The following SLFN12 variants were observed in gnomAD, a reference collection of about 807,000 sequenced individuals.
The protein encoded by SLFN12 is ribonuclease SLFN12.
SLFN12 carries 25 observed loss-of-function variants against 29.1 expected under a neutral mutation model. The observed-to-expected ratio is 0.86, with a 90% CI of 0.63 to 1.20. The LOEUF is 1.20. Among genes scored for constraint, SLFN12 ranks in the 50% most tolerant of loss-of-function variants. The pLI is 0.00. For synonymous variants in SLFN12, 257 were observed against 238.7 expected, an observed-to-expected ratio of 1.08 and a Z score of -0.71; for missense variants, 660 against 666.2, an observed-to-expected ratio of 0.99 and a Z score of 0.10.
chr17:35,413,749 CAAAA>C (rs11362952), intron 3 of SLFN12, among the ~76,000 whole-genome samples: 2 of 78,410 alleles, frequency 2.6e-5, no homozygotes, highest in Non-Finnish European at 3.0e-5. Context: ...AACCATGTCT[CAAAA>C]AAAAAAAAAA....
chr17:35,431,243 A>G (rs893479870), intron 1 of SLFN12, among the ~76,000 whole-genome samples: 6 of 152,184 alleles, frequency 3.9e-5, no homozygotes, highest in Non-Finnish European at 2.9e-5. Context: ...AGCAATTTAT[A>G]AGTCAGCGGT....
At position 35,420,377 on chromosome 17, in the gene SLFN12, A is replaced by C; in HGVS notation, c.1044T>G (p.Phe348Leu). ...IQFMVEAEPKFSSSYEEVISQ... is the reference protein window; with the variant it reads ...IQFMVEAEPKLSSSYEEVISQ... ...AGATCACCTCTTCATATGAACTGGAAAATTCTTAAAAACAAAAATATCACA... is the reference window on the plus strand; with the variant it reads ...AGATCACCTCTTCATATGAACTGGACAATTCTTAAAAACAAAAATATCACA... The change falls in exon 3 of 4, where the codon TTT (phenylalanine) becomes TTG (leucine). Residue 348 changes from phenylalanine to leucine, a missense_variant. Transcript: ENST00000304905. 5.6e-6 allele frequency: 9 copies of C among 1,607,842 alleles called. No homozygotes were observed. The highest frequency in any genetic ancestry group is 7.7e-6 in the Non-Finnish European group (9 of 1,174,818).
intron 1 of SLFN12, among the ~76,000 whole-genome samples, chr17:35,426,505 C>T (rs1342081130): frequency 6.6e-6 from 1 of 152,052 alleles, no homozygotes; most frequent in Non-Finnish European, 1.5e-5. Flanking sequence ...ACTTCATTTT[C>T]TGCATGTGGA....
At chr17:35,425,368 C>CAAGAGCTCTA (rs1911942939) in intron 1 of SLFN12, among the ~76,000 whole-genome samples, 1 of 152,044 alleles carries the variant, frequency 6.6e-6, no homozygotes, top group Admixed American at 6.6e-5. Context: ...CAATAGAGCT[C>CAAGAGCTCTA]TTGAACTTAT....
chr17:35,431,470 C>A (rs749526821), intron 1 of SLFN12, among the ~76,000 whole-genome samples: 1 of 152,088 alleles, frequency 6.6e-6, no homozygotes, highest in East Asian at 1.9e-4. Flanking sequence ...CTACTGCAAC[C>A]GGAAGAGAAA....
Position 35,423,061 on chromosome 17 carries a change from AT to A in SLFN12, c.-34del, listed in dbSNP as rs1341560696. The A allele has an allele frequency of 6.4e-7, 1 of 1,564,588 alleles. No individual in the cohort carries two copies. Among genetic ancestry groups the A allele is most frequent in the Admixed American group, 1.9e-5 (1 of 52,964 alleles). On this transcript the variant is annotated 5_prime_UTR_variant, in exon 2 of 4. Transcript: ENST00000304905. ...GCAGCTATGCAGTGTCCAAGCAGAA[AT>A]TCTTTTCTGTAAAATAGACAGAGCC...
At position 35,411,741 on chromosome 17, in the gene SLFN12, A is replaced by G; in HGVS notation, c.1334T>C (p.Leu445Pro). The change falls in exon 4 of 4, where the codon CTT becomes CCT. Residue 445 changes from leucine to proline, a missense_variant. Leu to Pro is a moderately conservative substitution (Grantham distance 98, BLOSUM62 -3). Transcript: ENST00000304905. Reference protein sequence around the residue: ...QENHKVLCDALLISQDSPPVL... With the variant: ...QENHKVLCDAPLISQDSPPVL... ...TGGAGGACTGTCCTGGGAAATCAGA[A>G]GAGCATCACAGAGGACTTTGTGGTT... 1 of 1,614,040 alleles carries G rather than the reference A, an allele frequency of 6.2e-7. No individual in the cohort carries two copies. Among genetic ancestry groups the G allele is most frequent in the Non-Finnish European group, 8.5e-7 (1 of 1,179,990 alleles).
At chr17:35,418,832 T>C (rs138910550) in intron 3 of SLFN12, among the ~76,000 whole-genome samples, 251 of 151,966 alleles carry the variant, frequency 1.7e-3, no homozygotes, top group African/African-American at 5.7e-3. Flanking sequence ...TTACTGTCTA[T>C]TGAGATGGAT....
intron 3 of SLFN12, among the ~76,000 whole-genome samples, chr17:35,412,769 A>G (rs1911098966): frequency 6.6e-6 from 1 of 152,070 alleles, no homozygotes; most frequent in Non-Finnish European, 1.5e-5. Context: ...ATCAGAGAAA[A>G]AGACTGACAA....
chr17:35,424,317 CTT>C (rs1197981307), intron 1 of SLFN12, among the ~76,000 whole-genome samples: 3 of 150,110 alleles, frequency 2.0e-5, no homozygotes, highest in African/African-American at 4.9e-5. Flanking sequence ...TTAAGTGTAA[CTT>C]TTAAGTTAAG....
intron 1 of SLFN12, among the ~76,000 whole-genome samples, chr17:35,423,783 T>C (rs1911842329): frequency 6.6e-6 from 1 of 152,092 alleles, no homozygotes; most frequent in African/African-American, 2.4e-5. Flanking sequence ...TTTTGGGAAG[T>C]GATCAGGTTA....
At chr17:35,425,733 G>A (rs140949813) in intron 1 of SLFN12, among the ~76,000 whole-genome samples, 1 of 151,458 alleles carries the variant, frequency 6.6e-6, no homozygotes, top group African/African-American at 2.4e-5. Flanking sequence ...ATAGACATGA[G>A]AGTACAGATA....
intron 1 of SLFN12, among the ~76,000 whole-genome samples, chr17:35,424,693 T>C (rs997377267): frequency 1.3e-5 from 2 of 152,126 alleles, no homozygotes; most frequent in Non-Finnish European, 2.9e-5. Flanking sequence ...CCTGTGTCCA[T>C]ATAAATTCCT....
intron 3 of SLFN12, among the ~76,000 whole-genome samples, chr17:35,420,021 TTTTG>T (rs1375130280): frequency 6.6e-6 from 1 of 152,210 alleles, no homozygotes; most frequent in South Asian, 2.1e-4. Flanking sequence ...TGCTTTCTTT[TTTTG>T]TTTGTTTAAA....
intron 1 of SLFN12, among the ~76,000 whole-genome samples, chr17:35,429,926 T>C (rs1424853561): frequency 5.3e-5 from 8 of 152,016 alleles, no homozygotes; most frequent in Admixed American, 5.2e-4. Flanking sequence ...TCCAGGAGGA[T>C]GGATAACCCT....
intron 3 of SLFN12, among the ~76,000 whole-genome samples, chr17:35,416,834 A>C (rs12943584): frequency 6.6e-6 from 1 of 151,970 alleles, no homozygotes; most frequent in Non-Finnish European, 1.5e-5. Context: ...CAGTTGGATC[A>C]CTTGAGCCCA....
intron 3 of SLFN12, among the ~76,000 whole-genome samples, chr17:35,416,656 G>A (rs528381303): frequency 4.2e-4 from 64 of 152,192 alleles, no homozygotes; most frequent in Non-Finnish European, 7.4e-4. Context: ...ATATAAGTCA[G>A]ACTAATACTG....
At chr17:35,429,045 C>CAAGAA (rs1912165583) in intron 1 of SLFN12, among the ~76,000 whole-genome samples, 1 of 152,128 alleles carries the variant, frequency 6.6e-6, no homozygotes, top group South Asian at 2.1e-4. Context: ...ACCAAGCAGC[C>CAAGAA]TCTGCTCTGC....
intron 3 of SLFN12, among the ~76,000 whole-genome samples, chr17:35,417,479 G>T (rs1911381056): frequency 6.6e-6 from 1 of 151,816 alleles, no homozygotes; most frequent in Non-Finnish European, 1.5e-5. Context: ...TAAGTTCTGG[G>T]GTACATGTGC....
Sources: gnomAD v4.1 joint callset for allele counts (sites outside exome capture counted in the v4.1 genomes callset) on GRCh38, gnomAD v4.1.1 for gene constraint, MANE v1.5 for transcripts, NCBI Gene and HGNC (gene_info 2026-07-23, HGNC 2026-07-21) for gene names.